ZBTB41: variants seen among roughly 807,000 people sequenced by gnomAD.
ZBTB41 encodes the protein zinc finger and BTB domain containing 41, also known as zinc finger and BTB domain-containing protein 41.
Under a neutral mutation model 87.6 loss-of-function variants are expected in ZBTB41, and 42 were observed. The observed-to-expected ratio is 0.48, with a 90% CI of 0.37 to 0.62. ZBTB41 has a LOEUF of 0.62. Among genes scored for constraint, ZBTB41 ranks in the 20% least tolerant of loss-of-function variants. ZBTB41 has a pLI of 0.00. For missense variants in ZBTB41, 799 were observed against 1,078.9 expected, an observed-to-expected ratio of 0.74 and a Z score of 3.63; for synonymous variants, 364 against 364.0, an observed-to-expected ratio of 1.00 and a Z score of 0.00.
chr1:197,184,865 T>A (rs140403104), intron 5 of ZBTB41, among the ~76,000 whole-genome samples: 2,092 of 152,104 alleles, frequency 0.014, 43 homozygotes, highest in African/African-American at 0.048. Context: ...CCCAGGCTGG[T>A]GTGCAATAGC....
intron 10 of ZBTB41, among the ~76,000 whole-genome samples, chr1:197,161,190 A>C (rs947085552): frequency 1.2e-4 from 19 of 152,128 alleles, no homozygotes; most frequent in Non-Finnish European, 2.5e-4. Context: ...TACGGTAATA[A>C]ATTTGTATTG....
At chr1:197,192,767 T>C (rs1660067271) in intron 2 of ZBTB41, among the ~76,000 whole-genome samples, 1 of 152,110 alleles carries the variant, frequency 6.6e-6, no homozygotes, top group Admixed American at 6.6e-5. Flanking sequence ...TTAAAAAGGA[T>C]ACATCCTATG....
In ZBTB41 at chr1:197,157,515, A is replaced by T. The variant is rs1482598838; in HGVS notation, c.*1844T>A. On this transcript the variant is annotated 3_prime_UTR_variant, in exon 11 of 11. Coordinates refer to ENST00000367405, the MANE Select transcript of ZBTB41 (RefSeq NM_194314.3). ...AGTCAATTTGAAAGACTAACAGACT[A>T]ACAGTACCTCATATAGTCAACCTCA... 6.6e-6 allele frequency: 1 copy of T among 152,066 alleles called. No homozygotes were observed. Among genetic ancestry groups the T allele is most frequent in the Non-Finnish European group, 1.5e-5 (1 of 67,714 alleles). 9.4% of individuals were successfully genotyped at this position (152,066 alleles called of 1,614,324 possible).
At chr1:197,193,101 T>C (rs889291834) in intron 2 of ZBTB41, among the ~76,000 whole-genome samples, 1 of 152,112 alleles carries the variant, frequency 6.6e-6, no homozygotes, top group African/African-American at 2.4e-5. Context: ...GTCAGAAAAC[T>C]CAGTCAATAT....
intron 2 of ZBTB41, among the ~76,000 whole-genome samples, chr1:197,194,800 T>C (rs1443971155): frequency 1.3e-5 from 2 of 152,118 alleles, no homozygotes; most frequent in African/African-American, 2.4e-5. Context: ...TAATTCAAAT[T>C]TTATGCACTT....
intron 2 of ZBTB41, among the ~76,000 whole-genome samples, chr1:197,192,794 T>C (rs993702087): frequency 2.0e-5 from 3 of 152,036 alleles, no homozygotes; most frequent in African/African-American, 4.8e-5. Flanking sequence ...ATGAAAATTA[T>C]GAAAAATCCA....
At chr1:197,196,017 A>C (rs1460321717) in intron 2 of ZBTB41, among the ~76,000 whole-genome samples, 2 of 152,196 alleles carry the variant, frequency 1.3e-5, no homozygotes, top group Non-Finnish European at 2.9e-5. Flanking sequence ...GGCTTCTTAC[A>C]AGCCCAAAGT....
At position 197,155,733 on chromosome 1, in the gene ZBTB41, T is replaced by C. The variant is rs956387464; in HGVS notation, c.*3626A>G. The C allele has an allele frequency of 6.6e-6, 1 of 152,368 alleles. No homozygotes were observed. Among genetic ancestry groups the C allele is most frequent in the African/African-American group, 2.4e-5 (1 of 41,420 alleles). 9.4% of individuals were successfully genotyped at this position (152,368 alleles called of 1,614,324 possible). On this transcript the variant is annotated 3_prime_UTR_variant, in exon 11 of 11. Transcript: ENST00000367405. ...GATAGAAAATTATTAGTGTACCTAT[T>C]TCATGACCTGCCATCGCCTAAAAGG...
At position 197,159,027 on chromosome 1, in the gene ZBTB41, AAAG is replaced by A. The variant is rs1175586610; in HGVS notation, c.*329_*331del. On this transcript the variant is annotated 3_prime_UTR_variant, in exon 11 of 11. Transcript: ENST00000367405. The stretch of plus-strand genomic sequence containing the variant: ...GAAGAAGAAGGAGAGGAATGAGACT[AAAG>A]AAGAATAAAAATTTCCACTGATGAT... 1 of 254,672 alleles carries A rather than the reference AAAG, an allele frequency of 3.9e-6. No individual in the cohort carries two copies. Among genetic ancestry groups the A allele is most frequent in the Non-Finnish European group, 7.5e-6 (1 of 132,636 alleles). The allele number at this position is 254,672 out of a possible 1,614,324, so 15.8% of individuals were successfully genotyped here. A position where few individuals can be genotyped will look rare whatever the true frequency, so the allele number is the denominator to read the frequency against.
intron 8 of ZBTB41, among the ~76,000 whole-genome samples, chr1:197,175,402 C>T (rs970219548): frequency 4.7e-5 from 3 of 64,504 alleles, no homozygotes; most frequent in East Asian, 1.2e-3. Context: ...GCAAGATAAA[C>T]GAAACTACTT....
chr1:197,175,035 G>A lies in ZBTB41; in HGVS notation c.1960C>T (p.His654Tyr), dbSNP rs1158557965. Residue 654 changes from histidine to tyrosine, a missense_variant, in exon 9 of 11, where the codon CAC becomes TAC. Physicochemically the swap from His to Tyr is moderately conservative, Grantham distance 83. Transcript: ENST00000367405. ...DHLTVHYKSVHLGEKVWQKYK... is the reference protein window; with the variant it reads ...DHLTVHYKSVYLGEKVWQKYK... ...TTTTGCCACACTTTCTCTCCAAGGT[G>A]TACGCTTTTGTAATGAACAGTGAGA... 2.5e-6 allele frequency: 4 copies of A among 1,609,538 alleles called. No homozygotes were observed. Among genetic ancestry groups the A allele is most frequent in the African/African-American group, 2.7e-5 (2 of 74,742 alleles).
chr1:197,160,076 C>A (rs1163941755), intron 10 of ZBTB41, 62 bp from the exon 11 acceptor site: 1 of 1,310,708 alleles, frequency 7.6e-7, no homozygotes, highest in Non-Finnish European at 1.1e-6. Flanking sequence ...AAGACAATGA[C>A]TTCAAGTAGC....
intron 10 of ZBTB41, among the ~76,000 whole-genome samples, chr1:197,162,518 A>G (rs981078437): frequency 1.1e-4 from 16 of 152,192 alleles, no homozygotes; most frequent in African/African-American, 3.4e-4. Flanking sequence ...TGTCATCCAC[A>G]GAATCATCTT....
chr1:197,174,228 G>A (rs1659545163), intron 9 of ZBTB41, among the ~76,000 whole-genome samples: 1 of 152,006 alleles, frequency 6.6e-6, no homozygotes, highest in African/African-American at 2.4e-5. Context: ...AGAGATGTCA[G>A]TAAAAAAAGA....
Position 197,159,347 on chromosome 1 carries a change from G to C in ZBTB41, c.*12C>G. On this transcript the variant is annotated 3_prime_UTR_variant, in exon 11 of 11. Transcript: ENST00000367405. ...ATAACCATCCAAAAATCTGTGGAAT[G>C]TTTAGATTTACTCATGAATGATGCT... The C allele has an allele frequency of 6.2e-7, 1 of 1,611,674 alleles. No individual in the cohort carries two copies.
rs760840833 is a variant in ZBTB41 at position 197,199,837 on chromosome 1, T to C, written c.637A>G (p.Ser213Gly). Residue 213 changes from serine (S) to glycine (G), a missense_variant, in exon 2 of 11, where the codon AGT becomes GGT. Physicochemically the swap from Ser to Gly is moderately conservative, Grantham distance 56. This residue lies in a region of ZBTB41 where 294 missense variants were observed against 340.1 expected (regional missense o/e 0.86). Coordinates refer to ENST00000367405, the MANE Select transcript of ZBTB41 (RefSeq NM_194314.3). ...GACTTTTTATAACAAAAATGTCTAC[T>C]ACAGAATTTGCACTGATGATTATTT... ...LSNNHQCKFC[S>G]RHFCYKKSLE... 11 of 1,610,624 alleles carry C rather than the reference T, an allele frequency of 6.8e-6. No individual in the cohort carries two copies. In the Admixed American group the frequency reaches 1.0e-4, roughly 15 times the overall value.
chr1:197,167,649 T>TA (rs539550063), intron 10 of ZBTB41, among the ~76,000 whole-genome samples: 2,070 of 151,942 alleles, frequency 0.014, 22 homozygotes, highest in Non-Finnish European at 0.019. Context: ...ACCACATAAA[T>TA]AAAAAAATAT....
rs751222684 is a variant in ZBTB41, at chr1:197,175,088, C to G, written c.1907G>C (p.Cys636Ser). 6.2e-7 allele frequency: 1 copy of G among 1,611,186 alleles called. No homozygotes were observed. Among genetic ancestry groups the G allele is most frequent in the South Asian group, 1.1e-5 (1 of 90,806 alleles). The change falls in exon 9 of 11, where the codon TGT (cysteine) becomes TCT (serine). Residue 636 changes from cysteine (C) to serine (S), a missense_variant. Cys to Ser is a moderately radical substitution (Grantham distance 112). Coordinates refer to ENST00000367405, the MANE Select transcript of ZBTB41 (RefSeq NM_194314.3). ...SGEKAHQCEE[C>S]GKCFGRRDHL... Reference sequence around the variant, plus strand: ...ATCCCTACGACCAAAACATTTTCCACATTCTTCACACTGATGAGCTTTTTC... The same window carrying G: ...ATCCCTACGACCAAAACATTTTCCAGATTCTTCACACTGATGAGCTTTTTC...
chr1:197,193,228 CACA>C (rs1156454616), intron 2 of ZBTB41, among the ~76,000 whole-genome samples: 2 of 152,004 alleles, frequency 1.3e-5, no homozygotes, highest in East Asian at 3.9e-4. Context: ...AACAAATACA[CACA>C]ACAACACTTA....
Sources: gnomAD v4.1 joint callset for allele counts (sites outside exome capture counted in the v4.1 genomes callset) on GRCh38, gnomAD v4.1.1 for gene constraint, gnomAD v4.1.1 regional missense constraint, MANE v1.5 for transcripts, NCBI Gene and HGNC (gene_info 2026-07-23, HGNC 2026-07-21) for gene names.